Variants in GABBR2 observed in about 807,000 individuals in gnomAD.
GABBR2 encodes G-protein coupled receptor 51.
In GABBR2, 23 loss-of-function variants were observed where a neutral mutation model predicts 105.6. The ratio of observed to expected loss-of-function variants is 0.22; its 90% CI spans 0.16 to 0.31. GABBR2 has a LOEUF of 0.31. GABBR2 is among the 10% of genes least tolerant of loss of function. GABBR2 has a pLI of 1.00. For synonymous variants in GABBR2, 478 were observed against 499.7 expected (o/e 0.96, Z 0.58); for missense variants, 734 against 1,245.5 (o/e 0.59, Z 6.18).
chr9:98,343,972 C>T (rs999880051), intron 13 of GABBR2, among the ~76,000 whole-genome samples: 2 of 152,138 alleles, frequency 1.3e-5, no homozygotes, highest in Non-Finnish European at 2.9e-5. Flanking sequence ...CAGCATTTGA[C>T]GCAGTTCATC....
chr9:98,374,937 C>T (rs531981728), intron 11 of GABBR2, among the ~76,000 whole-genome samples: 2 of 152,286 alleles, frequency 1.3e-5, no homozygotes, highest in South Asian at 4.1e-4. Context: ...CATCCCATTG[C>T]TGTCTGGTGT....
At chr9:98,330,440 CTG>C (rs1197082290) in intron 13 of GABBR2, among the ~76,000 whole-genome samples, 5 of 152,244 alleles carry the variant, frequency 3.3e-5, no homozygotes, top group Non-Finnish European at 5.9e-5. Context: ...CCTGATCAAA[CTG>C]TGCCTGAAGT....
chr9:98,473,518 G>C (rs1826727954), intron 5 of GABBR2, among the ~76,000 whole-genome samples, 172 bp from the exon 6 acceptor site: 1 of 151,908 alleles, frequency 6.6e-6, no homozygotes, highest in South Asian at 2.1e-4. Context: ...GGTAGTTTAT[G>C]GATAACATGT....
chr9:98,610,781 GAA>G lies in GABBR2; in HGVS notation c.322-32711_322-32710del, dbSNP rs574843345. On this transcript the variant is annotated intron_variant, in intron 1 of 18. Transcript: ENST00000259455. Reference sequence around the variant, plus strand: ...AGACTTCTGGCCTCTAGGACTGTGAGAAAAAAAAAAAACGTGTGCTGTTTTCA... The same window carrying G: ...AGACTTCTGGCCTCTAGGACTGTGAGAAAAAAAAAACGTGTGCTGTTTTCA... Among the ~76,000 whole-genome samples the G allele has an allele frequency of 2.4e-3, 347 of 143,970 alleles. 5 individuals are homozygous for G. Among genetic ancestry groups the G allele is most frequent in the South Asian group, 0.016 (72 of 4,578 alleles). 94.4% of individuals were successfully genotyped at this position (143,970 alleles called of 152,430 possible).
intron 1 of GABBR2, among the ~76,000 whole-genome samples, chr9:98,650,746 T>C (rs1032936264): frequency 1.3e-5 from 2 of 152,336 alleles, no homozygotes; most frequent in South Asian, 2.1e-4. Context: ...TAGCAGATTA[T>C]TAAGCCTTAA....
intron 8 of GABBR2, among the ~76,000 whole-genome samples, chr9:98,399,939 T>A (rs1485412524): frequency 1.3e-5 from 2 of 149,526 alleles, no homozygotes; most frequent in Non-Finnish European, 3.0e-5. Context: ...TTTGGGAGGC[T>A]GAGACAGCAG....
intron 2 of GABBR2, among the ~76,000 whole-genome samples, chr9:98,570,226 G>A (rs902688240): frequency 1.3e-5 from 2 of 152,190 alleles, no homozygotes; most frequent in African/African-American, 4.8e-5. Flanking sequence ...CTCGTGGGGA[G>A]TGCCAAGGTG....
At chr9:98,325,278 CAA>C (rs1349165698) in intron 13 of GABBR2, among the ~76,000 whole-genome samples, 11 of 138,732 alleles carry the variant, frequency 7.9e-5, no homozygotes, top group African/African-American at 2.7e-4. Context: ...TCTAGGACAG[CAA>C]TTCTTTTTTT....
At chr9:98,479,339 A>T (rs986532013) in intron 5 of GABBR2, among the ~76,000 whole-genome samples, 4 of 152,162 alleles carry the variant, frequency 2.6e-5, no homozygotes, top group African/African-American at 9.7e-5. Context: ...TTTGCTCAAC[A>T]ATCTTATCAG....
intron 1 of GABBR2, among the ~76,000 whole-genome samples, chr9:98,692,245 C>T (rs960404977): frequency 6.6e-6 from 1 of 152,134 alleles, no homozygotes; most frequent in Non-Finnish European, 1.5e-5. Context: ...CAGGGCGTGG[C>T]AGGAGGCAGG....
intron 11 of GABBR2, among the ~76,000 whole-genome samples, chr9:98,379,381 G>C (rs1042621937): frequency 1.3e-5 from 2 of 152,168 alleles, no homozygotes; most frequent in African/African-American, 4.8e-5. Flanking sequence ...TGATTCTCCT[G>C]CCTCAGCCTC....
chr9:98,485,582 C>T (rs1034071452), intron 4 of GABBR2, among the ~76,000 whole-genome samples: 9 of 152,120 alleles, frequency 5.9e-5, no homozygotes, highest in Admixed American at 1.3e-4. Context: ...ATTCAAAGAA[C>T]TAGCATGTAC....
intron 13 of GABBR2, among the ~76,000 whole-genome samples, chr9:98,350,303 G>A (rs1369771865): frequency 6.6e-6 from 1 of 150,822 alleles, no homozygotes; most frequent in Admixed American, 6.6e-5. Flanking sequence ...TTTTGTTCTT[G>A]ATTTTCTGGT....
chr9:98,695,571 C>T (rs748369933), intron 1 of GABBR2, among the ~76,000 whole-genome samples: 16 of 152,302 alleles, frequency 1.1e-4, no homozygotes, highest in Admixed American at 2.0e-4. Flanking sequence ...GAAATAAGAA[C>T]GAGTTTTTAT....
intron 1 of GABBR2, among the ~76,000 whole-genome samples, chr9:98,674,343 A>G (rs765984995): frequency 1.3e-5 from 2 of 152,122 alleles, no homozygotes; most frequent in Non-Finnish European, 2.9e-5. Flanking sequence ...CCACCCAATC[A>G]CGAAAGCCAG....
At chr9:98,474,469 G>A (rs932808964) in intron 5 of GABBR2, among the ~76,000 whole-genome samples, 2 of 152,134 alleles carry the variant, frequency 1.3e-5, no homozygotes, top group Admixed American at 6.5e-5. Flanking sequence ...TCATGTACCC[G>A]TAAGTAAACA....
chr9:98,609,139 T>TA (rs999460645), intron 1 of GABBR2, among the ~76,000 whole-genome samples: 1 of 152,184 alleles, frequency 6.6e-6, no homozygotes, highest in African/African-American at 2.4e-5. Flanking sequence ...TGTTGTGATA[T>TA]AAAAAAATGT....
At chr9:98,619,270 C>T (rs1829635369) in intron 1 of GABBR2, among the ~76,000 whole-genome samples, 1 of 151,942 alleles carries the variant, frequency 6.6e-6, no homozygotes, top group South Asian at 2.1e-4. Context: ...ACCCCCCACC[C>T]CTGCCCCAGA....
intron 3 of GABBR2, among the ~76,000 whole-genome samples, chr9:98,503,158 G>C (rs1827438658): frequency 6.6e-6 from 1 of 152,214 alleles, no homozygotes; most frequent in African/African-American, 2.4e-5. Flanking sequence ...GTCAGCCCCA[G>C]GCCAGGAGGT....
Sources: gnomAD v4.1 joint callset for allele counts (sites outside exome capture counted in the v4.1 genomes callset) on GRCh38, gnomAD v4.1.1 for gene constraint, MANE v1.5 for transcripts, NCBI Gene and HGNC (gene_info 2026-07-23, HGNC 2026-07-21) for gene names.